SHBG: variants seen among roughly 807,000 people sequenced by gnomAD.
SHBG encodes sex hormone binding globulin.
Under a neutral mutation model 41.9 loss-of-function variants are expected in SHBG, and 37 were observed. The ratio of observed to expected loss-of-function variants is 0.88; its 90% CI spans 0.68 to 1.16. SHBG has a LOEUF of 1.16. SHBG is among the 50% of genes most tolerant of loss of function. The probability of loss-of-function intolerance (pLI) is 0.00; values close to 1 mark genes in which losing one functional copy is unlikely to be tolerated. For synonymous variants in SHBG, 217 were observed against 205.8 expected (o/e 1.05, Z -0.47); for missense variants, 466 against 499.9 (o/e 0.93, Z 0.65).
upstream of SHBG, chr17:7,627,934 TC>T (rs148963195): frequency 2.7e-5 from 14 of 518,762 alleles, no homozygotes; most frequent in Middle Eastern, 3.8e-4. The surrounding 1 kb of genome is among the most constrained non-coding windows in gnomAD (Gnocchi z 4.8). Context: ...CACGGCCGCG[TC>T]CCCCCCAAGC....
At chr17:7,617,808 G>A (rs569617452) in intron 1 of SHBG, among the ~76,000 whole-genome samples, 1 of 152,282 alleles carries the variant, frequency 6.6e-6, no homozygotes, top group Admixed American at 6.5e-5. Flanking sequence ...CCAAGGCCAG[G>A]TGTGGTGGCT....
chr17:7,620,368 G>A (rs930622425), intron 1 of SHBG, among the ~76,000 whole-genome samples: 3 of 152,208 alleles, frequency 2.0e-5, no homozygotes, highest in African/African-American at 7.2e-5. Context: ...CTAGGCTAGA[G>A]TGCAGTGGCA....
At chr17:7,632,171 G>C in intron 6 of SHBG, 156 bp downstream of exon 6, 2 of 810,072 alleles carry the variant, frequency 2.5e-6, no homozygotes, top group Non-Finnish European at 4.1e-6. Context: ...AATTAGCCAG[G>C]CATGGTGGTG....
chr17:7,622,207 T>C (rs2072110907), intron 1 of SHBG, among the ~76,000 whole-genome samples: 1 of 151,724 alleles, frequency 6.6e-6, no homozygotes, highest in Admixed American at 6.6e-5. Flanking sequence ...TCTGTTTCCC[T>C]TAGAATGGAC....
chr17:7,630,612 C>G lies in SHBG; in HGVS notation c.204-68C>G. On this transcript the variant is annotated intron_variant, in intron 2 of 7. Coordinates refer to ENST00000380450, the MANE Select transcript of SHBG (RefSeq NM_001040.5). The surrounding 1 kb of genome is among the most constrained non-coding windows in gnomAD (Gnocchi z 4.6). Reference sequence around the variant, plus strand: ...CTTTCCTTATCTGTGAACACCATCTCCCCCAAACCCACACTGGTTCTCAAA... The same window carrying G: ...CTTTCCTTATCTGTGAACACCATCTGCCCCAAACCCACACTGGTTCTCAAA... The G allele has an allele frequency of 1.3e-6, 2 of 1,541,146 alleles. No individual in the cohort carries two copies.
chr17:7,626,249 C>G, upstream of SHBG: 9 of 548,498 alleles, frequency 1.6e-5, no homozygotes, highest in East Asian at 6.4e-5. Context: ...ACATGTAATT[C>G]TTATTTATTT....
At position 7,633,216 on chromosome 17, in the gene SHBG, C is replaced by T. The variant is rs537873653; in HGVS notation, c.1073C>T (p.Ser358Phe). 2.5e-6 allele frequency: 4 copies of T among 1,614,034 alleles called. No homozygotes were observed. The highest frequency in any genetic ancestry group is 1.1e-5 in the South Asian group (1 of 91,084). ...FLGALPGEDS[S>F]TSFCLNGLWA... ...TACCTCCCTCTAGGAGAAGACTCTT[C>T]CACCTCTTTTTGCCTGAATGGCCTT... The change falls in exon 8 of 8, where the codon TCC (serine) becomes TTC (phenylalanine). Residue 358 changes from serine to phenylalanine, a missense_variant. Transcript: ENST00000380450.
At chr17:7,614,716 C>T in intron 1 of SHBG, 1 of 287,996 alleles carries the variant, frequency 3.5e-6, no homozygotes, top group East Asian at 6.2e-5. Flanking sequence ...GGCCGGGCCG[C>T]TCCCCGTCCG....
chr17:7,632,089 T>C (rs541268153), intron 6 of SHBG, 74 bp downstream of exon 6: 2 of 1,478,780 alleles, frequency 1.4e-6, no homozygotes, highest in African/African-American at 2.8e-5. Flanking sequence ...GAGTCCAACA[T>C]GTCAATATTA....
chr17:7,626,848 A>G (rs553099837), upstream of SHBG: 19 of 1,609,192 alleles, frequency 1.2e-5, no homozygotes, highest in Admixed American at 1.7e-5. Flanking sequence ...GAAGGGGATC[A>G]GAAAATGACA....
intron 1 of SHBG, among the ~76,000 whole-genome samples, chr17:7,619,450 G>A (rs2072051852): frequency 1.3e-5 from 2 of 151,258 alleles, no homozygotes; most frequent in African/African-American, 4.9e-5. Context: ...GCTCATGCCT[G>A]TAATCCCAGC....
chr17:7,623,563 G>A (rs945371905), upstream of SHBG, among the ~76,000 whole-genome samples: 6 of 152,204 alleles, frequency 3.9e-5, no homozygotes, highest in South Asian at 4.1e-4. Flanking sequence ...GGCTCAAGCC[G>A]TCCTCCCATC....
upstream of SHBG, chr17:7,627,885 A>AG (rs1167228059): frequency 1.6e-6 from 1 of 625,504 alleles, no homozygotes; most frequent in Non-Finnish European, 3.0e-6. This position sits in a 1 kb window ranked among gnomAD's most constrained non-coding sequence, Gnocchi z 4.8. Context: ...CTGTCGCAGC[A>AG]GGGGGCACAA....
chr17:7,626,812 G>A (rs1423765407), upstream of SHBG: 1 of 1,613,880 alleles, frequency 6.2e-7, no homozygotes, highest in Admixed American at 1.7e-5. Context: ...GAGAGAAAGA[G>A]GCAAAAAATA....
At chr17:7,621,592 G>A (rs1159730837) in intron 1 of SHBG, among the ~76,000 whole-genome samples, 1 of 72,272 alleles carries the variant, frequency 1.4e-5, no homozygotes, top group Non-Finnish European at 2.8e-5. Context: ...AACAGAGCGA[G>A]TCTCCGTCTA....
At chr17:7,626,616 T>A (rs1172859345), upstream of SHBG, 2 of 1,612,014 alleles carry the variant, frequency 1.2e-6, no homozygotes, top group Non-Finnish European at 1.7e-6. Context: ...CAAGGCCACC[T>A]GTGGGAGAAG....
In SHBG at chr17:7,631,931, C is replaced by T; in HGVS notation, c.768C>T (p.Leu256=). ...EPWAFSLDLG[L]KQAAGSGHLL... is the part of the protein sequence containing the mutation. Reference sequence around the variant, plus strand: ...GGGCCTTCTCTTTGGACCTGGGACTCAAGCAGGCAGCAGGCTCAGGCCACC... The same window carrying T: ...GGGCCTTCTCTTTGGACCTGGGACTTAAGCAGGCAGCAGGCTCAGGCCACC... Residue 256 remains leucine, a synonymous_variant, in exon 6 of 8, where the codon CTC becomes CTT. Coordinates refer to ENST00000380450, the MANE Select transcript of SHBG (RefSeq NM_001040.5). 6.2e-7 allele frequency: 1 copy of T among 1,614,054 alleles called. No individual in the cohort carries two copies. Among genetic ancestry groups the T allele is most frequent in the Non-Finnish European group, 8.5e-7 (1 of 1,180,008 alleles).
upstream of SHBG, chr17:7,627,159 C>T (rs934536456): frequency 1.2e-6 from 2 of 1,613,944 alleles, no homozygotes; most frequent in South Asian, 1.1e-5. The surrounding 1 kb of genome is among the most constrained non-coding windows in gnomAD (Gnocchi z 4.8). Flanking sequence ...GCTTCCCGGG[C>T]GCTGGAAGAA....
At position 7,633,354 on chromosome 17, in the gene SHBG, G is replaced by A. The variant is rs769440867; in HGVS notation, c.*2G>A. The A allele has an allele frequency of 3.1e-6, 5 of 1,613,440 alleles. No homozygotes were observed. The highest frequency in any genetic ancestry group is 1.7e-4 in the Middle Eastern group (1 of 6,054). ...AATGGCACTGACGCTTCCCATTAAA[G>A]CTCCACCTAAGAACCCCCTTTGAAA... On this transcript the variant is annotated 3_prime_UTR_variant, in exon 8 of 8. Coordinates refer to ENST00000380450, the MANE Select transcript of SHBG (RefSeq NM_001040.5).
Sources: gnomAD v4.1 joint callset for allele counts (sites outside exome capture counted in the v4.1 genomes callset) on GRCh38, gnomAD v4.1.1 for gene constraint, Gnocchi (gnomAD v3.1) non-coding constraint, MANE v1.5 for transcripts, NCBI Gene and HGNC (gene_info 2026-07-23, HGNC 2026-07-21) for gene names.